The following TRPC4 variants were observed in gnomAD, a reference collection of about 807,000 sequenced individuals.
The protein encoded by TRPC4 is short transient receptor potential channel 4.
TRPC4 carries 49 observed loss-of-function variants against 99.4 expected under a neutral mutation model. That is an observed-to-expected ratio of 0.49 (90% CI 0.39 to 0.63). TRPC4 has a LOEUF of 0.63. Ranked by LOEUF, TRPC4 falls within the 20% of genes least tolerant of loss-of-function variation. TRPC4 has a pLI of 0.00. For missense variants in TRPC4, 898 were observed against 1,152.9 expected (o/e 0.78, Z 3.20); for synonymous variants, 454 against 425.9 (o/e 1.07, Z -0.81).
rs200306785 is a variant in TRPC4 at position 37,798,749 on chromosome 13, T to A, written c.-27-15389A>T. On this transcript the variant is annotated intron_variant, in intron 1 of 10. Transcript: ENST00000379705. ...TGCTGAAACCAACTATATAAGTGTTTGGAAGTAAAATCATGATTGTTATGC... is the reference window on the plus strand; with the variant it reads ...TGCTGAAACCAACTATATAAGTGTTAGGAAGTAAAATCATGATTGTTATGC... Among the ~76,000 whole-genome samples, 3 of 152,218 alleles carry A rather than the reference T, an allele frequency of 2.0e-5. No individual in the cohort carries two copies. The East Asian group carries it at 5.8e-4, about 29-fold the overall frequency.
intron 3 of TRPC4, among the ~76,000 whole-genome samples, chr13:37,714,280 C>T (rs1200969836): frequency 2.0e-5 from 3 of 152,120 alleles, no homozygotes; most frequent in African/African-American, 7.2e-5. Flanking sequence ...TCATGTGCCA[C>T]CATGCCCGGC....
At position 37,651,385 on chromosome 13, in the gene TRPC4, C is replaced by T; in HGVS notation, c.1959G>A (p.Leu653=). 1 of 1,614,048 alleles carries T rather than the reference C, an allele frequency of 6.2e-7. No individual in the cohort carries two copies. The part of the protein sequence containing the change: ...WMSYFEEGGT[L]PTPFNVIPSP... ...TCGGGATGACATTGAAGGGAGTAGG[C>T]AGAGTACCTCCTTCTTCAAAATAAC... is the stretch of plus-strand genomic sequence containing the variant. Residue 653 remains leucine (L), a synonymous_variant, in exon 8 of 11, where the codon CTG becomes CTA. Coordinates refer to ENST00000379705, the MANE Select transcript of TRPC4 (RefSeq NM_016179.4).
At chr13:37,761,834 A>G (rs921402386) in intron 2 of TRPC4, among the ~76,000 whole-genome samples, 5 of 151,844 alleles carry the variant, frequency 3.3e-5, no homozygotes, top group Non-Finnish European at 1.5e-5. Flanking sequence ...AGGTAGAACA[A>G]TAATTTCCTG....
chr13:37,681,630 C>G (rs937858164), intron 4 of TRPC4, among the ~76,000 whole-genome samples: 1 of 152,036 alleles, frequency 6.6e-6, no homozygotes, highest in African/African-American at 2.4e-5. Flanking sequence ...TTAGAAAAAC[C>G]AGAGGGTGCT....
rs756661851 is a variant in TRPC4, at chr13:37,837,417, G to A, written c.-28+32178C>T. On this transcript the variant is annotated intron_variant, in intron 1 of 10. Coordinates refer to ENST00000379705, the MANE Select transcript of TRPC4 (RefSeq NM_016179.4). The stretch of plus-strand genomic sequence containing the variant: ...AGGAGGGAAGCTGTGCCCTGCAAAG[G>A]CTTGGCTGCCCAAGACCATGGGAAC... Among the ~76,000 whole-genome samples the A allele has an allele frequency of 4.6e-5, 7 of 152,192 alleles. No individual in the cohort carries two copies. The East Asian group carries it at 1.2e-3, about 25-fold the overall frequency.
intron 8 of TRPC4, 22 bp downstream of exon 8, chr13:37,651,243 T>C (rs780479431): frequency 2.5e-6 from 4 of 1,613,034 alleles, no homozygotes; most frequent in East Asian, 4.5e-5. Flanking sequence ...AAAAGAGTAA[T>C]ACTAACATGC....
chr13:37,663,562 C>A lies in TRPC4; in HGVS notation c.1542G>T (p.Leu514=). The part of the protein sequence containing the change: ...PLQISLGRML[L]DILKFLFIYC... ...ATATGAATAGAAACTTCAAAATGTC[C>A]AGGAGCATTCTTCCCAGAGATATTT... Residue 514 remains leucine, a synonymous_variant, in exon 6 of 11, where the codon CTG becomes CTT. Transcript: ENST00000379705. The A allele has an allele frequency of 6.2e-7, 1 of 1,614,136 alleles. No homozygotes were observed. The highest frequency in any genetic ancestry group is 1.3e-5 in the African/African-American group (1 of 75,034).
intron 1 of TRPC4, among the ~76,000 whole-genome samples, chr13:37,797,837 A>G (rs887211154): frequency 6.6e-6 from 1 of 152,170 alleles, no homozygotes; most frequent in Non-Finnish European, 1.5e-5. Context: ...GTTATTTTCC[A>G]AGTTTATGAT....
chr13:37,833,138 T>C (rs563873152), intron 1 of TRPC4, among the ~76,000 whole-genome samples: 3 of 152,296 alleles, frequency 2.0e-5, no homozygotes, highest in Admixed American at 2.0e-4. Context: ...TTTTAAAAAT[T>C]CATAGTAAAA....
intron 1 of TRPC4, among the ~76,000 whole-genome samples, chr13:37,809,841 T>C (rs943086238): frequency 2.6e-5 from 4 of 152,216 alleles, no homozygotes; most frequent in Admixed American, 6.5e-5. Context: ...AGTTAGACTC[T>C]GAAGGTTCAC....
intron 4 of TRPC4, among the ~76,000 whole-genome samples, chr13:37,687,046 C>T (rs760876232): frequency 6.6e-6 from 1 of 152,072 alleles, no homozygotes; most frequent in African/African-American, 2.4e-5. Context: ...CTCACTGCAA[C>T]CTCTGCCTCC....
At chr13:37,735,958 C>T (rs542580884) in intron 3 of TRPC4, among the ~76,000 whole-genome samples, 5 of 152,156 alleles carry the variant, frequency 3.3e-5, no homozygotes, top group South Asian at 4.1e-4. Flanking sequence ...CAAATTTATA[C>T]GATGTTTTGG....
rs1472994095 is a variant in TRPC4, at chr13:37,655,079, T to A, written c.1884+9A>T. On this transcript the variant is annotated intron_variant, in intron 7 of 10. Coordinates refer to ENST00000379705, the MANE Select transcript of TRPC4 (RefSeq NM_016179.4). ...AAACATTGAATTAAAATAAAGCTGG[T>A]CAACTTACAGCAATCAGTTGGTAAG... The A allele has an allele frequency of 6.8e-7, 1 of 1,474,444 alleles. No individual in the cohort carries two copies. Among genetic ancestry groups the A allele is most frequent in the Non-Finnish European group, 9.1e-7 (1 of 1,102,264 alleles). The allele number at this position is 1,474,444 out of a possible 1,614,324, so 91.3% of individuals were successfully genotyped here.
chr13:37,766,948 ATTGT>A (rs1166387066), intron 2 of TRPC4, among the ~76,000 whole-genome samples: 5 of 151,430 alleles, frequency 3.3e-5, no homozygotes, highest in African/African-American at 1.2e-4. Flanking sequence ...AATGGTTGTG[ATTGT>A]TTTTATTTTT....
chr13:37,759,496 T>C (rs1348337692), intron 2 of TRPC4, among the ~76,000 whole-genome samples: 2 of 151,828 alleles, frequency 1.3e-5, no homozygotes, highest in African/African-American at 4.8e-5. Flanking sequence ...ATTTGCAACA[T>C]ATGAGACATA....
At chr13:37,860,320 G>C (rs943274132) in intron 1 of TRPC4, among the ~76,000 whole-genome samples, 2 of 151,094 alleles carry the variant, frequency 1.3e-5, no homozygotes, top group Non-Finnish European at 3.0e-5. Flanking sequence ...ACTCATTTTA[G>C]TGTAAAACAC....
chr13:37,850,882 C>A (rs1959036155), intron 1 of TRPC4, among the ~76,000 whole-genome samples: 1 of 152,130 alleles, frequency 6.6e-6, no homozygotes, highest in Non-Finnish European at 1.5e-5. Flanking sequence ...GTCAAGGCAA[C>A]AAGAACACGT....
intron 3 of TRPC4, among the ~76,000 whole-genome samples, chr13:37,718,979 T>C (rs1293318876): frequency 1.3e-5 from 2 of 151,934 alleles, no homozygotes; most frequent in African/African-American, 4.8e-5. Context: ...CAACACATTA[T>C]AGTCAAACTT....
chr13:37,722,189 C>A (rs1954891329), intron 3 of TRPC4, among the ~76,000 whole-genome samples: 1 of 152,224 alleles, frequency 6.6e-6, no homozygotes, highest in East Asian at 1.9e-4. Flanking sequence ...GATTTAGACC[C>A]AGGTGAGTTT....
Sources: allele counts gnomAD v4.1 joint callset (sites outside exome capture counted in the v4.1 genomes callset), GRCh38; gene constraint gnomAD v4.1.1; transcripts MANE v1.5; gene names NCBI Gene and HGNC (gene_info 2026-07-23, HGNC 2026-07-21).